Variants in ABCB4 observed in about 807,000 individuals in gnomAD.
The protein encoded by ABCB4 is phosphatidylcholine translocator ABCB4.
In ABCB4, 76 loss-of-function variants were observed where a neutral mutation model predicts 145.7. The observed-to-expected ratio is 0.52, with a 90% CI of 0.43 to 0.63. ABCB4 has a LOEUF of 0.63. Among genes scored for constraint, ABCB4 ranks in the 30% least tolerant of loss-of-function variants. The pLI is 0.00. For synonymous variants in ABCB4, 517 were observed against 566.8 expected (o/e 0.91, Z 1.25); for missense variants, 1,234 against 1,553.1 (o/e 0.79, Z 3.45).
chr7:87,384,764 G>T, the ABCB4 span, among the ~76,000 whole-genome samples: 4,063 of 152,256 alleles, frequency 0.027, 174 homozygotes, highest in African/African-American at 0.093. Flanking sequence ...TACTTGTAGG[G>T]TATTACTCAA....
downstream of ABCB4, among the ~76,000 whole-genome samples, chr7:87,397,854 C>T (rs1807590988): frequency 6.6e-6 from 1 of 152,100 alleles, no homozygotes; most frequent in Admixed American, 6.5e-5. Flanking sequence ...CATTACATTG[C>T]ACATTTTAAT....
the ABCB4 span, among the ~76,000 whole-genome samples, chr7:87,387,797 C>G: frequency 2.0e-5 from 3 of 152,078 alleles, no homozygotes; most frequent in Admixed American, 6.6e-5. Context: ...ATGGAAAATA[C>G]AAAAATTAGC....
chr7:87,375,486 G>C, the ABCB4 span: 1 of 570,770 alleles, frequency 1.8e-6, no homozygotes, highest in Non-Finnish European at 3.1e-6. Context: ...AATATGTGAT[G>C]TAGGAAATCT....
chr7:87,420,189 G>A (rs1367765792), intron 18 of ABCB4, 114 bp from the exon 19 acceptor site: 13 of 934,610 alleles, frequency 1.4e-5, no homozygotes, highest in Non-Finnish European at 2.3e-5. Context: ...CAGTTGCCAC[G>A]GATCCTCAAG....
intron 15 of ABCB4, among the ~76,000 whole-genome samples, chr7:87,427,784 G>T (rs1809942493): frequency 6.6e-6 from 1 of 152,084 alleles, no homozygotes; most frequent in African/African-American, 2.4e-5. Context: ...TTCAACATCT[G>T]ACAGAACACT....
rs1217163709 is a variant in ABCB4, at chr7:87,440,205, T to C, written c.1554A>G (p.Leu518=). The C allele has an allele frequency of 1.9e-6, 3 of 1,613,888 alleles. No homozygotes were observed. Among genetic ancestry groups the C allele is most frequent in the Non-Finnish European group, 1.7e-6 (2 of 1,179,766 alleles). The change falls in exon 13 of 28, where the codon TTA becomes TTG. Residue 518 remains leucine, a synonymous_variant. Transcript: ENST00000649586. ...EANAYEFIMK[L]PQKFDTLVGE... Reference sequence around the variant, plus strand: ...ACTTTATCAGAGGCTTTACCTGTGGTAATTTCATGATAAACTCATAGGCGT... The same window carrying C: ...ACTTTATCAGAGGCTTTACCTGTGGCAATTTCATGATAAACTCATAGGCGT...
In ABCB4 at chr7:87,432,169, A is replaced by G. The variant is rs569179023; in HGVS notation, c.1732-604T>C. 2.0e-5 allele frequency among the ~76,000 whole-genome samples: 3 copies of G among 152,312 alleles called. No individual in the cohort carries two copies. The South Asian group carries it at 6.2e-4, about 32-fold the overall frequency. Reference sequence around the variant, plus strand: ...CCTAGGTGATTTTTATGCATGCTAAAATCTACAAATCACCTGTCTAACTAG... The same window carrying G: ...CCTAGGTGATTTTTATGCATGCTAAGATCTACAAATCACCTGTCTAACTAG... On this transcript the variant is annotated intron_variant, in intron 14 of 27. Coordinates refer to ENST00000649586, the MANE Select transcript of ABCB4 (RefSeq NM_000443.4).
At chr7:87,393,391 A>G in the ABCB4 span, among the ~76,000 whole-genome samples, 1 of 152,178 alleles carries the variant, frequency 6.6e-6, no homozygotes, top group East Asian at 1.9e-4. Flanking sequence ...AGCTCAGATA[A>G]AATGTTTAAA....
rs1395468814 is a variant in ABCB4 at position 87,447,202 on chromosome 7, A to T, written c.837T>A (p.Tyr279Ter). ...CTTTGGCATTTTCTAAATGTTTCTG[A>T]TACCTACCAGAAAAATGAGAGGGAA... ...FGGQNKELER[Y>*]QKHLENAKEI... The change falls in exon 9 of 28, where the codon TAT becomes TAA. Residue 279 changes from tyrosine (Y) to a stop codon, truncating the protein, a stop_gained. Transcript: ENST00000649586. LOFTEE classifies it high-confidence loss of function. 6.2e-7 allele frequency: 1 copy of T among 1,612,740 alleles called. No homozygotes were observed. Among genetic ancestry groups the T allele is most frequent in the Non-Finnish European group, 8.5e-7 (1 of 1,179,114 alleles).
chr7:87,377,347 A>G, the ABCB4 span: 1 of 1,574,420 alleles, frequency 6.4e-7, no homozygotes, highest in Non-Finnish European at 8.7e-7. Context: ...AATTTATTTT[A>G]GATTATTGCA....
chr7:87,379,029 GT>G, the ABCB4 span, among the ~76,000 whole-genome samples: 1 of 152,158 alleles, frequency 6.6e-6, no homozygotes, highest in Non-Finnish European at 1.5e-5. Context: ...AATTGCCTCA[GT>G]TTTCTTCTCT....
the ABCB4 span, among the ~76,000 whole-genome samples, chr7:87,368,618 G>A: frequency 1.1e-4 from 17 of 152,270 alleles, no homozygotes; most frequent in Non-Finnish European, 2.2e-4. Context: ...ATACTGACCC[G>A]TAAATAATAC....
At chr7:87,416,115 AGAGGATGCAGCGTGAAAAT>A (rs1359293771) in intron 21 of ABCB4, among the ~76,000 whole-genome samples, 1 of 152,198 alleles carries the variant, frequency 6.6e-6, no homozygotes, top group Non-Finnish European at 1.5e-5. Context: ...CAAGTCTTGG[AGAGGATGCAGCGTGAAAAT>A]GAGGAGAGTG....
rs1209605204 is a variant in ABCB4 at position 87,402,280 on chromosome 7, T to C, written c.3656A>G (p.Lys1219Arg). The C allele has an allele frequency of 1.2e-6, 2 of 1,614,034 alleles. No homozygotes were observed. Among genetic ancestry groups the C allele is most frequent in the Non-Finnish European group, 1.7e-6 (2 of 1,179,914 alleles). ...SEKVVQEALD[K>R]AREGRTCIVI... ...AATGCAGGTGCGGCCTTCTCTGGCT[T>C]TGTCCAGGGCTTCTTGGACAACCTA... The change falls in exon 28 of 28, where the codon AAA becomes AGA. Residue 1219 changes from lysine (K) to arginine (R), a missense_variant. Physicochemically the swap from Lys to Arg is conservative, Grantham distance 26 (BLOSUM62 2). This residue lies in a region of ABCB4 where 58 missense variants were observed against 75.9 expected (regional missense o/e 0.76). Transcript: ENST00000649586.
chr7:87,445,992 C>T (rs1304513631), intron 9 of ABCB4, among the ~76,000 whole-genome samples: 2 of 152,168 alleles, frequency 1.3e-5, no homozygotes, highest in African/African-American at 2.4e-5. Context: ...TGTCAGGATT[C>T]AACCTCCCTT....
intron 4 of ABCB4, among the ~76,000 whole-genome samples, chr7:87,461,265 T>A (rs1812442683): frequency 6.6e-6 from 1 of 152,226 alleles, no homozygotes; most frequent in Admixed American, 6.5e-5. Flanking sequence ...AAAGACTTTT[T>A]AAACTATCTG....
At chr7:87,441,300 T>C (rs988568071) in intron 12 of ABCB4, among the ~76,000 whole-genome samples, 2 of 152,216 alleles carry the variant, frequency 1.3e-5, no homozygotes, top group Non-Finnish European at 2.9e-5. Flanking sequence ...TATAAATATA[T>C]CTGTTTCATT....
chr7:87,402,104 T>A lies in ABCB4; in HGVS notation c.3832A>T (p.Asn1278Tyr), dbSNP rs745756724. Reference protein sequence around the residue: ...SMVSVQAGTQNL With the variant: ...SMVSVQAGTQYL Reference sequence around the variant, plus strand: ...TATACTGTAGCAAAAGTTCATAAGTTCTGTGTCCCAGCCTGGACACTGACC... The same window carrying A: ...TATACTGTAGCAAAAGTTCATAAGTACTGTGTCCCAGCCTGGACACTGACC... The change falls in exon 28 of 28, where the codon AAC becomes TAC. Residue 1278 changes from asparagine to tyrosine, a missense_variant. Transcript: ENST00000649586. The A allele has an allele frequency of 6.8e-6, 11 of 1,614,132 alleles. No homozygotes were observed. The highest frequency in any genetic ancestry group is 7.6e-6 in the Non-Finnish European group (9 of 1,180,022).
chr7:87,379,335 C>T, the ABCB4 span, among the ~76,000 whole-genome samples: 7 of 152,150 alleles, frequency 4.6e-5, no homozygotes, highest in East Asian at 3.9e-4. Flanking sequence ...TGCAGCTATA[C>T]TTTTCTAGCT....
Sources: allele counts gnomAD v4.1 joint callset (sites outside exome capture counted in the v4.1 genomes callset), GRCh38; gene constraint gnomAD v4.1.1; regional missense constraint gnomAD v4.1.1; transcripts MANE v1.5; gene names NCBI Gene and HGNC (gene_info 2026-07-23, HGNC 2026-07-21).